NRXN3: variants seen among roughly 807,000 people sequenced by gnomAD.
The protein encoded by NRXN3 is neurexin 3.
A neutral mutation model predicts 137.6 loss-of-function variants in NRXN3; 32 were observed. That is an observed-to-expected ratio of 0.23 (90% CI 0.18 to 0.31). The LOEUF (loss-of-function observed/expected upper bound fraction) is 0.31. Ranked by LOEUF, NRXN3 falls within the 10% of genes least tolerant of loss-of-function variation. The pLI is 1.00. For missense variants in NRXN3, 1,574 were observed against 2,062.5 expected, an observed-to-expected ratio of 0.76 and a Z score of 4.59; for synonymous variants, 798 against 784.5, an observed-to-expected ratio of 1.02 and a Z score of -0.29.
intron 10 of NRXN3, among the ~76,000 whole-genome samples, chr14:78,922,964 G>A (rs1311860169): frequency 2.0e-5 from 3 of 152,194 alleles, no homozygotes; most frequent in Non-Finnish European, 4.4e-5. Flanking sequence ...TTTCCACTAA[G>A]TGGTGCCTTC....
rs117762431 is a variant in NRXN3, at chr14:78,763,129, C to T, written c.2045-40491C>T. Among the ~76,000 whole-genome samples, 5 of 152,278 alleles carry T rather than the reference C, an allele frequency of 3.3e-5. No homozygotes were observed. In the East Asian group the frequency reaches 5.8e-4, roughly 18 times the overall value. On this transcript the variant is annotated intron_variant, in intron 8 of 20. Transcript: ENST00000335750. ...GGAAATTAAAATATCCTGCAAAGTG[C>T]GGATTCAAGGCAATGCTGTCCCCTT... is the stretch of plus-strand genomic sequence containing the variant.
rs541980969 is a variant in NRXN3, at chr14:79,274,207, T to C, written c.3263-193014T>C. 2.6e-5 allele frequency among the ~76,000 whole-genome samples: 4 copies of C among 152,004 alleles called. No homozygotes were observed. In the East Asian group the frequency reaches 7.8e-4, roughly 30 times the overall value. On this transcript the variant is annotated intron_variant, in intron 15 of 20. Coordinates refer to ENST00000335750, the MANE Select transcript of NRXN3 (RefSeq NM_001330195.2). Reference sequence around the variant, plus strand: ...GGCCGTGGAGCACCAGAGCCCATTCTAAATCTGAATGCACTCTCAAAGTGT... The same window carrying C: ...GGCCGTGGAGCACCAGAGCCCATTCCAAATCTGAATGCACTCTCAAAGTGT...
At chr14:78,577,930 C>G (rs1015365551) in intron 4 of NRXN3, among the ~76,000 whole-genome samples, 1 of 152,004 alleles carries the variant, frequency 6.6e-6, no homozygotes, top group Non-Finnish European at 1.5e-5. Flanking sequence ...TGTTTGTATC[C>G]AAGCTGTATT....
chr14:79,003,570 G>A (rs542930848), intron 15 of NRXN3, among the ~76,000 whole-genome samples: 54 of 152,264 alleles, frequency 3.5e-4, no homozygotes, highest in East Asian at 5.8e-4. Flanking sequence ...TGGAAGACCC[G>A]TAGCCAAACT....
At chr14:78,386,402 G>T (rs1200994141) in intron 4 of NRXN3, among the ~76,000 whole-genome samples, 1 of 152,156 alleles carries the variant, frequency 6.6e-6, no homozygotes. Flanking sequence ...GTACCCCTGT[G>T]ATGAAGGTTC....
intron 3 of NRXN3, among the ~76,000 whole-genome samples, chr14:78,293,292 G>A (rs2075988700): frequency 6.6e-6 from 1 of 152,084 alleles, no homozygotes; most frequent in African/African-American, 2.4e-5. Flanking sequence ...ATCTATGAAT[G>A]GGGTTGTGAG....
chr14:79,141,027 T>G (rs2058739366), intron 15 of NRXN3, among the ~76,000 whole-genome samples: 1 of 152,296 alleles, frequency 6.6e-6, no homozygotes, highest in East Asian at 1.9e-4. Flanking sequence ...AGAGAAACAT[T>G]GAGTGGTAAA....
intron 19 of NRXN3, among the ~76,000 whole-genome samples, chr14:79,731,940 T>A (rs2098925215): frequency 6.6e-6 from 1 of 152,050 alleles, no homozygotes; most frequent in Non-Finnish European, 1.5e-5. Flanking sequence ...TTTTCCATAG[T>A]TTTTTTCCCC....
intron 19 of NRXN3, among the ~76,000 whole-genome samples, chr14:79,752,895 G>T (rs1055228403): frequency 6.6e-6 from 1 of 151,750 alleles, no homozygotes; most frequent in Non-Finnish European, 1.5e-5. Context: ...CAACCCCATG[G>T]AAAAGTGGGC....
At chr14:78,737,067 T>A (rs2098544281) in intron 8 of NRXN3, among the ~76,000 whole-genome samples, 1 of 152,212 alleles carries the variant, frequency 6.6e-6, no homozygotes, top group Non-Finnish European at 1.5e-5. Context: ...CTTCCTCTCT[T>A]AATGCCTCAC....
At chr14:79,350,382 G>A (rs905233126) in intron 15 of NRXN3, among the ~76,000 whole-genome samples, 9 of 152,198 alleles carry the variant, frequency 5.9e-5, no homozygotes, top group Admixed American at 1.3e-4. Context: ...ATTGAGTCAT[G>A]TAGTGTCTAC....
At chr14:79,133,636 A>T (rs2057853158) in intron 15 of NRXN3, among the ~76,000 whole-genome samples, 2 of 152,182 alleles carry the variant, frequency 1.3e-5, no homozygotes, top group Admixed American at 1.3e-4. Context: ...TAGAAACTAA[A>T]CAAATACAGC....
chr14:78,816,913 C>T (rs1281356006), intron 10 of NRXN3, among the ~76,000 whole-genome samples: 1 of 152,188 alleles, frequency 6.6e-6, no homozygotes, highest in Non-Finnish European at 1.5e-5. Context: ...CATCCTTTAA[C>T]ATCTTCAAAT....
rs181409613 is a variant in NRXN3 at position 78,358,045 on chromosome 14, A to G, written c.757+60185A>G. 5.6e-4 allele frequency among the ~76,000 whole-genome samples: 85 copies of G among 152,276 alleles called. No homozygotes were observed. The Middle Eastern group carries it at 0.02, about 37-fold the overall frequency. On this transcript the variant is annotated intron_variant, in intron 4 of 20. Transcript: ENST00000335750. ...AGTCAGGTGAGTTGAGGGGGTTGAG[A>G]ATATAGGACAGAAAACATGAGTTCC...
At chr14:78,796,186 T>C (rs2098821183) in intron 8 of NRXN3, among the ~76,000 whole-genome samples, 1 of 152,192 alleles carries the variant, frequency 6.6e-6, no homozygotes, top group South Asian at 2.1e-4. Context: ...AGACCAATAA[T>C]AATGCGTGTC....
At chr14:79,458,154 A>G (rs1490419303) in intron 15 of NRXN3, among the ~76,000 whole-genome samples, 1 of 152,126 alleles carries the variant, frequency 6.6e-6, no homozygotes, top group Non-Finnish European at 1.5e-5. Flanking sequence ...GCACTTATCT[A>G]TTTATTTTTA....
chr14:78,764,176 C>T (rs897182453), intron 8 of NRXN3, among the ~76,000 whole-genome samples: 3 of 152,130 alleles, frequency 2.0e-5, no homozygotes, highest in Non-Finnish European at 4.4e-5. Flanking sequence ...ATTGTGCATA[C>T]AATTTACAAA....
chr14:78,865,650 C>T (rs2099084871), intron 10 of NRXN3, among the ~76,000 whole-genome samples: 2 of 152,198 alleles, frequency 1.3e-5, no homozygotes, highest in South Asian at 2.1e-4. Flanking sequence ...TCTTCTCCAA[C>T]ACCATCTCCA....
chr14:79,450,624 C>T (rs140822097), intron 15 of NRXN3, among the ~76,000 whole-genome samples: 2,110 of 152,034 alleles, frequency 0.014, 19 homozygotes, highest in South Asian at 0.023. Context: ...TTTGGTAGGC[C>T]GAGGTGGGAG....
Sources: gnomAD v4.1 joint callset for allele counts (sites outside exome capture counted in the v4.1 genomes callset) on GRCh38, gnomAD v4.1.1 for gene constraint, MANE v1.5 for transcripts, NCBI Gene and HGNC (gene_info 2026-07-23, HGNC 2026-07-21) for gene names.